Variants in MAP4K4 observed in about 807,000 individuals in gnomAD.
MAP4K4 encodes the protein mitogen-activated protein kinase kinase kinase kinase 4, also known as HPK/GCK-like kinase HGK.
A neutral mutation model predicts 189.6 loss-of-function variants in MAP4K4; 38 were observed. That is an observed-to-expected ratio of 0.20 (90% CI 0.15 to 0.26). MAP4K4 has a LOEUF of 0.26. MAP4K4 is among the 10% of genes least tolerant of loss of function. The pLI, the probability that MAP4K4 is intolerant of heterozygous loss-of-function variation, is 1.00. For synonymous variants in MAP4K4, 610 were observed against 624.3 expected (o/e 0.98, Z 0.34); for missense variants, 1,054 against 1,726.9 (o/e 0.61, Z 6.91).
chr2:101,842,258 A>C (rs1026989424), intron 10 of MAP4K4, among the ~76,000 whole-genome samples: 2 of 152,150 alleles, frequency 1.3e-5, no homozygotes, highest in African/African-American at 4.8e-5. Context: ...TTTTGCCATC[A>C]AAGTGGATTT....
intron 2 of MAP4K4, among the ~76,000 whole-genome samples, chr2:101,747,625 A>G (rs2149884879): frequency 6.6e-6 from 1 of 152,344 alleles, no homozygotes; most frequent in Middle Eastern, 3.4e-3. Context: ...CAGTGGGGAC[A>G]GAAGATTGGA....
intron 2 of MAP4K4, among the ~76,000 whole-genome samples, chr2:101,758,667 C>T (rs920305389): frequency 2.0e-5 from 3 of 152,054 alleles, no homozygotes; most frequent in South Asian, 2.1e-4. Flanking sequence ...TGACTGATCC[C>T]GTAGCTTTCC....
rs934436366 is a variant in MAP4K4, at chr2:101,851,980, A to G, written c.1234-3997A>G. ...TCAAATAGATGGATTAGTTGTTTGT[A>G]GTCTTGTGTGTATCTCTGGAAAGGA... On this transcript the variant is annotated intron_variant, in intron 12 of 32. Transcript: ENST00000324219. Among the ~76,000 whole-genome samples the G allele has an allele frequency of 2.6e-5, 4 of 151,828 alleles. No homozygotes were observed. In the East Asian group the frequency reaches 7.7e-4, roughly 29 times the overall value.
chr2:101,812,631 C>G (rs1313628649), intron 3 of MAP4K4, among the ~76,000 whole-genome samples: 7 of 151,898 alleles, frequency 4.6e-5, no homozygotes. Context: ...AAAAAAATTG[C>G]TAATGACTTA....
Position 101,837,127 on chromosome 2 carries a change from T to TA in MAP4K4, c.773+1150dup, listed in dbSNP as rs1469138255. Among the ~76,000 whole-genome samples the TA allele has an allele frequency of 3.3e-5, 5 of 151,718 alleles. No homozygotes were observed. The East Asian group carries it at 7.7e-4, about 24-fold the overall frequency. Reference sequence around the variant, plus strand: ...TTTTTTTTTTTTTTGAAACAGTTCTTACTAGTTTTCCAATTGATGCTGCCT... The same window carrying TA: ...TTTTTTTTTTTTTTGAAACAGTTCTTAACTAGTTTTCCAATTGATGCTGCCT... On this transcript the variant is annotated intron_variant, in intron 9 of 32. Transcript: ENST00000324219.
intron 2 of MAP4K4, among the ~76,000 whole-genome samples, chr2:101,710,852 TTGAA>T (rs2045081134): frequency 6.6e-6 from 1 of 152,198 alleles, no homozygotes. Context: ...TAATACTACT[TTGAA>T]TAAAGATAGG....
chr2:101,764,968 A>G (rs976734809), intron 2 of MAP4K4, among the ~76,000 whole-genome samples: 34 of 152,198 alleles, frequency 2.2e-4, no homozygotes, highest in Admixed American at 7.2e-4. Flanking sequence ...TTCCCTTGCA[A>G]TACTGTAGGT....
intron 2 of MAP4K4, among the ~76,000 whole-genome samples, chr2:101,787,196 G>C (rs1020736506): frequency 6.6e-6 from 1 of 152,210 alleles, no homozygotes; most frequent in Non-Finnish European, 1.5e-5. Context: ...TGGGTCCAGA[G>C]TGATCCAGTA....
chr2:101,858,255 G>A (rs1167802675), intron 13 of MAP4K4, among the ~76,000 whole-genome samples: 1 of 152,200 alleles, frequency 6.6e-6, no homozygotes, highest in East Asian at 1.9e-4. Flanking sequence ...CAGCTTTGAA[G>A]TAGGGTTTTA....
chr2:101,802,123 A>G (rs2094428547), intron 3 of MAP4K4, among the ~76,000 whole-genome samples: 1 of 152,174 alleles, frequency 6.6e-6, no homozygotes, highest in Non-Finnish European at 1.5e-5. Flanking sequence ...AATGAGTCTG[A>G]TGGTCTCCTC....
intron 2 of MAP4K4, among the ~76,000 whole-genome samples, chr2:101,766,359 T>G (rs1202282900): frequency 1.3e-5 from 2 of 152,126 alleles, no homozygotes; most frequent in African/African-American, 4.8e-5. Flanking sequence ...GTCAATCAAA[T>G]AAGTTGATTG....
chr2:101,755,392 A>G (rs2071869254), intron 2 of MAP4K4, among the ~76,000 whole-genome samples: 1 of 152,082 alleles, frequency 6.6e-6, no homozygotes, highest in South Asian at 2.1e-4. Context: ...TGCTCCTTTC[A>G]TACTTGTTTA....
intron 26 of MAP4K4, among the ~76,000 whole-genome samples, chr2:101,875,200 A>G (rs1393202489): frequency 6.6e-6 from 1 of 151,950 alleles, no homozygotes; most frequent in Admixed American, 6.5e-5. Flanking sequence ...ACTTGCCTAG[A>G]TATATGCAGG....
Position 101,803,245 on chromosome 2 carries a change from A to ATGATGTGTG in MAP4K4, c.180+12471_180+12472insATGTGTGTG, listed in dbSNP as rs1553484242. ...ATATGCTTGGTTGATGATGATGATG[A>ATGATGTGTG]TGTGTGTGTGTGTGTGTGTATGTAT... On this transcript the variant is annotated intron_variant, in intron 3 of 32. Coordinates refer to ENST00000324219, the Ensembl canonical transcript of MAP4K4. Among the ~76,000 whole-genome samples, 1,186 of 150,330 alleles carry ATGATGTGTG rather than the reference A, an allele frequency of 7.9e-3. 17 individuals are homozygous for ATGATGTGTG. The highest frequency in any genetic ancestry group is 0.028 in the African/African-American group (1,123 of 40,606).
chr2:101,820,314 G>A (rs982425862), intron 3 of MAP4K4, among the ~76,000 whole-genome samples: 1 of 152,128 alleles, frequency 6.6e-6, no homozygotes, highest in African/African-American at 2.4e-5. Flanking sequence ...AGGGAGTGGA[G>A]GTAGGCAAAG....
chr2:101,880,839 A>G (rs1018440869), intron 27 of MAP4K4, among the ~76,000 whole-genome samples: 7 of 151,690 alleles, frequency 4.6e-5, no homozygotes, highest in African/African-American at 9.7e-5. Flanking sequence ...ATTTTTTCCC[A>G]TTTATCTATT....
chr2:101,873,518 G>T (rs1248028894), intron 24 of MAP4K4, 129 bp from the exon 25 acceptor site: 13 of 576,896 alleles, frequency 2.3e-5, no homozygotes, highest in Non-Finnish European at 3.1e-5. Flanking sequence ...TTTTTTGGGG[G>T]AATGATGCAA....
At chr2:101,840,894 T>A (rs770884660) in intron 10 of MAP4K4, among the ~76,000 whole-genome samples, 1 of 152,232 alleles carries the variant, frequency 6.6e-6, no homozygotes, top group Non-Finnish European at 1.5e-5. Context: ...CCTTCTGATA[T>A]ACTTAGTTAT....
chr2:101,721,678 G>A (rs1181114656), intron 2 of MAP4K4, among the ~76,000 whole-genome samples: 1 of 152,006 alleles, frequency 6.6e-6, no homozygotes, highest in Non-Finnish European at 1.5e-5. Context: ...CTCGTGATCC[G>A]CCCACCTCGG....
Sources: allele counts gnomAD v4.1 joint callset (sites outside exome capture counted in the v4.1 genomes callset), GRCh38; gene constraint gnomAD v4.1.1; transcripts MANE v1.5; gene names NCBI Gene and HGNC (gene_info 2026-07-23, HGNC 2026-07-21).